EME1: variants seen among roughly 807,000 people sequenced by gnomAD.
EME1 encodes the protein essential meiotic structure-specific endonuclease 1, also known as structure-specific endonuclease subunit EME1.
A neutral mutation model predicts 59.1 loss-of-function variants in EME1; 61 were observed. The observed-to-expected ratio is 1.03, with a 90% CI of 0.84 to 1.28. The LOEUF is 1.28. EME1 is among the 50% of genes most tolerant of loss of function. The pLI is 0.00. For synonymous variants in EME1, 230 were observed against 254.2 expected (o/e 0.90, Z 0.90); for missense variants, 635 against 682.6 (o/e 0.93, Z 0.78).
chr17:50,378,425 G>A (rs2143321076), intron 3 of EME1, among the ~76,000 whole-genome samples, 170 bp from the exon 4 acceptor site: 1 of 152,262 alleles, frequency 6.6e-6, no homozygotes, highest in African/African-American at 2.4e-5. Flanking sequence ...AATCATTGAG[G>A]GCTGGGAGGG....
At chr17:50,379,712 CTG>C (rs1913689794) in intron 7 of EME1, 145 bp downstream of exon 7, 1 of 679,620 alleles carries the variant, frequency 1.5e-6, no homozygotes. Flanking sequence ...TGACCTCACA[CTG>C]GGGATTCTTG....
intron 7 of EME1, chr17:50,379,887 T>A (rs575249531): frequency 7.4e-5 from 25 of 338,876 alleles, no homozygotes; most frequent in Admixed American, 4.3e-4. Flanking sequence ...AAAGCAAATT[T>A]TTGGCCTACT....
intron 7 of EME1, 116 bp downstream of exon 7, chr17:50,379,683 A>C: frequency 1.1e-6 from 1 of 877,438 alleles, no homozygotes; most frequent in Non-Finnish European, 1.8e-6. Context: ...TTGTCTCTCA[A>C]GCTTGAGGCA....
At chr17:50,375,075 T>G (rs954675145) in intron 1 of EME1, 110 bp from the exon 2 acceptor site, 3 of 819,292 alleles carry the variant, frequency 3.7e-6, no homozygotes, top group Non-Finnish European at 5.8e-6. Context: ...ATTTCTCTGT[T>G]TCTGTATTCT....
At position 50,381,080 on chromosome 17, in the gene EME1, T is replaced by C. The variant is rs921081103; in HGVS notation, c.*141T>C. The C allele has an allele frequency of 4.5e-6, 4 of 883,064 alleles. No homozygotes were observed. Among genetic ancestry groups the C allele is most frequent in the African/African-American group, 1.7e-5 (1 of 59,078 alleles). The allele number at this position is 883,064 out of a possible 1,614,324, so 54.7% of individuals were successfully genotyped here. ...CCAGTCTTTCTTGGGTCTTATTATT[T>C]GTGAAGGTCTCTCTGCCTGTCGGCT... On this transcript the variant is annotated 3_prime_UTR_variant, in exon 9 of 9. Transcript: ENST00000338165.
In EME1 at chr17:50,375,834, G is replaced by T. The variant is rs1307179219; in HGVS notation, c.626G>T (p.Gly209Val). ...CCGAGTCAGAAGGTCCAGGGAAGAG[G>T]CTCACACGGATGCCGGCAGCAGAGA... ...TKPSQKVQGRGSHGCRQQRQA... is the reference protein window; with the variant it reads ...TKPSQKVQGRVSHGCRQQRQA... The change falls in exon 2 of 9, where the codon GGC (glycine) becomes GTC (valine). Residue 209 changes from glycine to valine, a missense_variant. Coordinates refer to ENST00000338165, the MANE Select transcript of EME1 (RefSeq NM_152463.4). The T allele has an allele frequency of 1.2e-6, 2 of 1,614,062 alleles. No individual in the cohort carries two copies. The highest frequency in any genetic ancestry group is 1.3e-5 in the African/African-American group (1 of 74,932).
chr17:50,377,018 G>T (rs1373331775), intron 3 of EME1, among the ~76,000 whole-genome samples: 1 of 152,156 alleles, frequency 6.6e-6, no homozygotes, highest in Non-Finnish European at 1.5e-5. Context: ...TCAAAATGCT[G>T]CGATTACAGG....
Position 50,380,795 on chromosome 17 carries a change from C to T in EME1, c.1569C>T (p.Arg523=). 1 of 1,614,196 alleles carries T rather than the reference C, an allele frequency of 6.2e-7. No homozygotes were observed. ...AGCAGTGTTTTTCGGATAAAGAACG[C>T]CAGAATTTGCTCGCAGACATACAGG... ...AYQQCFSDKE[R]QNLLADIQVR... The change falls in exon 9 of 9, where the codon CGC becomes CGT. Residue 523 remains arginine, a synonymous_variant. Transcript: ENST00000338165.
Position 50,380,889 on chromosome 17 carries a change from C to T in EME1, c.1663C>T (p.Leu555Phe). 6.2e-7 allele frequency: 1 copy of T among 1,614,190 alleles called. No individual in the cohort carries two copies. Among genetic ancestry groups the T allele is most frequent in the Non-Finnish European group, 8.5e-7 (1 of 1,180,034 alleles). The change falls in exon 9 of 9, where the codon CTT becomes TTT. Residue 555 changes from leucine (L) to phenylalanine (F), a missense_variant. Leu to Phe is a conservative substitution (Grantham distance 22). Coordinates refer to ENST00000338165, the MANE Select transcript of EME1 (RefSeq NM_152463.4). ...ACCAGAACTATCCAGGCGTATCTAC[C>T]TTCAGATGACCACTTTACAGCCACA... The part of the protein sequence containing the change: ...IGPELSRRIY[L>F]QMTTLQPHLS...
chr17:50,375,503 A>C lies in EME1; in HGVS notation c.295A>C (p.Arg99=). The change falls in exon 2 of 9, where the codon AGG becomes CGG. Residue 99 remains arginine, a synonymous_variant. Transcript: ENST00000338165. ...AGAAGAATTTATTCCTCTGGCTCAA[A>C]GGCTTACATGTAAGTTTCTGACCCA... The part of the protein sequence containing the change: ...DEEEFIPLAQ[R]LTCKFLTHKQ... 1 of 1,613,828 alleles carries C rather than the reference A, an allele frequency of 6.2e-7. No individual in the cohort carries two copies. Among genetic ancestry groups the C allele is most frequent in the South Asian group, 1.1e-5 (1 of 91,042 alleles).
chr17:50,378,152 C>G (rs558597028), intron 3 of EME1, among the ~76,000 whole-genome samples: 2 of 150,716 alleles, frequency 1.3e-5, no homozygotes, highest in African/African-American at 4.9e-5. Context: ...CTGCAACCTC[C>G]ACCTCCCAGT....
chr17:50,379,386 T>C (rs1040351584), intron 6 of EME1, 66 bp from the exon 7 acceptor site: 3 of 1,593,334 alleles, frequency 1.9e-6, no homozygotes, highest in South Asian at 1.1e-5. Flanking sequence ...GTGGCTTTAG[T>C]GGACAGTGAC....
chr17:50,375,200 C>A lies in EME1; in HGVS notation c.-9C>A, dbSNP rs931265378. On this transcript the variant is annotated 5_prime_UTR_variant, in exon 2 of 9. Coordinates refer to ENST00000338165, the MANE Select transcript of EME1 (RefSeq NM_152463.4). ...TTCCTTTTAGGGAATTATTTGATAG[C>A]ACATACTGATGGCTCTAAAGAAGTC... 8.7e-6 allele frequency: 14 copies of A among 1,611,524 alleles called. No homozygotes were observed. In the East Asian group the frequency reaches 3.1e-4, roughly 36 times the overall value.
intron 8 of EME1, 106 bp from the exon 9 acceptor site, chr17:50,380,657 G>A: frequency 4.5e-6 from 7 of 1,552,296 alleles, no homozygotes; most frequent in Non-Finnish European, 5.3e-6. Context: ...ACCCAGGGAG[G>A]GAGGACAGGT....
chr17:50,376,533 T>C (rs919981443), intron 3 of EME1, among the ~76,000 whole-genome samples: 2 of 152,212 alleles, frequency 1.3e-5, no homozygotes, highest in African/African-American at 4.8e-5. Flanking sequence ...GGCCACTATC[T>C]ACTAATGTAC....
chr17:50,378,512 A>G (rs1913591532), intron 3 of EME1, 83 bp from the exon 4 acceptor site: 2 of 1,340,410 alleles, frequency 1.5e-6, no homozygotes, highest in South Asian at 2.4e-5. Flanking sequence ...TAGTTCATTC[A>G]CCCAGAAGAC....
chr17:50,379,946 C>G (rs1187386819), intron 7 of EME1: 1 of 298,310 alleles, frequency 3.4e-6, no homozygotes, highest in African/African-American at 2.1e-5. Context: ...TAAATGACCT[C>G]AGAGACAATC....
Position 50,375,557 on chromosome 17 carries a change from TCCC to T in EME1, c.351_353del (p.Pro118del). 6.2e-7 allele frequency: 1 copy of T among 1,614,120 alleles called. No homozygotes were observed. The highest frequency in any genetic ancestry group is 8.5e-7 in the Non-Finnish European group (1 of 1,180,032). On this transcript the variant is annotated inframe_deletion, in exon 2 of 9. Coordinates refer to ENST00000338165, the MANE Select transcript of EME1 (RefSeq NM_152463.4). The stretch of plus-strand genomic sequence containing the variant: ...GCAACTGAGCCCTGAGGACTCTAGC[TCCC>T]CAGTTAAAAGTGTTTTGGATCATCA...
intron 3 of EME1, among the ~76,000 whole-genome samples, chr17:50,377,564 C>T (rs1012822170): frequency 3.3e-5 from 5 of 152,204 alleles, no homozygotes; most frequent in African/African-American, 9.6e-5. Context: ...CTCTCATAGA[C>T]TGAAGTTTCC....
Sources: gnomAD v4.1 joint callset for allele counts (sites outside exome capture counted in the v4.1 genomes callset) on GRCh38, gnomAD v4.1.1 for gene constraint, MANE v1.5 for transcripts, NCBI Gene and HGNC (gene_info 2026-07-23, HGNC 2026-07-21) for gene names.